The following NNMT variants were observed in gnomAD, a reference collection of about 807,000 sequenced individuals.
The protein encoded by NNMT is nicotinamide N-methyltransferase.
NNMT carries 10 observed loss-of-function variants against 11.7 expected under a neutral mutation model. The ratio of observed to expected loss-of-function variants is 0.85; its 90% CI spans 0.53 to 1.45. The LOEUF (loss-of-function observed/expected upper bound fraction) is 1.45. Among genes scored for constraint, NNMT ranks in the 40% most tolerant of loss-of-function variants. NNMT has a pLI of 0.00. For synonymous variants in NNMT, 143 were observed against 133.8 expected, an observed-to-expected ratio of 1.07 and a Z score of -0.48; for missense variants, 381 against 319.4, an observed-to-expected ratio of 1.19 and a Z score of -1.47.
rs932043660 is a variant in NNMT at position 114,312,317 on chromosome 11, C to G, written c.635C>G (p.Ser212Cys). Residue 212 changes from serine (S) to cysteine (C), a missense_variant, in exon 3 of 3, where the codon TCC becomes TGC. Coordinates refer to ENST00000299964, the MANE Select transcript of NNMT (RefSeq NM_006169.3). ...SYYMIGEQKF[S>C]SLPLGREAVE... ...TACATGATTGGTGAGCAGAAGTTCTCCAGCCTCCCCCTGGGCCGGGAGGCA... is the reference window on the plus strand; with the variant it reads ...TACATGATTGGTGAGCAGAAGTTCTGCAGCCTCCCCCTGGGCCGGGAGGCA... 1 of 1,614,100 alleles carries G rather than the reference C, an allele frequency of 6.2e-7. No homozygotes were observed. Among genetic ancestry groups the G allele is most frequent in the Non-Finnish European group, 8.5e-7 (1 of 1,180,036 alleles).
chr11:114,299,300 T>C (rs1021385133), intron 2 of NNMT, among the ~76,000 whole-genome samples: 4 of 152,260 alleles, frequency 2.6e-5, no homozygotes, highest in Non-Finnish European at 5.9e-5. Flanking sequence ...TCTGCATTCC[T>C]AGCTTTTTTG....
chr11:114,279,097 G>A (rs1175077111), intron 2 of NNMT, among the ~76,000 whole-genome samples: 2 of 152,160 alleles, frequency 1.3e-5, no homozygotes, highest in East Asian at 1.9e-4. Context: ...CACATTGGGA[G>A]ACTATTGGCT....
At chr11:114,299,482 TC>T (rs1945416682) in intron 2 of NNMT, among the ~76,000 whole-genome samples, 1 of 152,224 alleles carries the variant, frequency 6.6e-6, no homozygotes, top group Non-Finnish European at 1.5e-5. Flanking sequence ...ATAATTTTCT[TC>T]TAGTGTGCTT....
chr11:114,259,348 G>GC (rs371719367), intron 1 of NNMT, among the ~76,000 whole-genome samples: 10 of 88,410 alleles, frequency 1.1e-4, no homozygotes, highest in Non-Finnish European at 2.0e-4. Context: ...GAGGCCCAGT[G>GC]GGGGGGGGGG....
intron 2 of NNMT, among the ~76,000 whole-genome samples, chr11:114,282,474 A>G (rs771518085): frequency 1.3e-5 from 2 of 152,204 alleles, no homozygotes; most frequent in Non-Finnish European, 2.9e-5. Flanking sequence ...TGTATAGAAG[A>G]GGAAACTCCA....
intron 1 of NNMT, among the ~76,000 whole-genome samples, chr11:114,260,773 T>G (rs1945072920): frequency 6.6e-6 from 1 of 152,202 alleles, no homozygotes; most frequent in African/African-American, 2.4e-5. Context: ...TCTACTCTGA[T>G]GCCAAATAGC....
chr11:114,282,787 G>A (rs1234102247), intron 2 of NNMT, among the ~76,000 whole-genome samples: 1 of 152,180 alleles, frequency 6.6e-6, no homozygotes, highest in Admixed American at 6.5e-5. Context: ...AGTGCCGAAA[G>A]GACCACTGGG....
At chr11:114,276,827 G>A (rs775551762) in intron 2 of NNMT, among the ~76,000 whole-genome samples, 6 of 152,176 alleles carry the variant, frequency 3.9e-5, no homozygotes, top group African/African-American at 9.7e-5. Flanking sequence ...AGAGGTTTCC[G>A]CATCAGGAGA....
rs143534264 is a variant in NNMT at position 114,287,511 on chromosome 11, C to G, written c.-129-8917C>G. 2.5e-3 allele frequency among the ~76,000 whole-genome samples: 380 copies of G among 152,282 alleles called. 2 individuals are homozygous for G. Among genetic ancestry groups the G allele is most frequent in the African/African-American group, 8.7e-3 (361 of 41,572 alleles). ...ATTGAAAGGTCTATCTTTTTCCCCA[C>G]TGATCTAAGCTATCACCTCAATCAT... On this transcript the variant is annotated intron_variant, in intron 2 of 4. Coordinates refer to the NNMT transcript ENST00000535401.
intron 2 of NNMT, among the ~76,000 whole-genome samples, chr11:114,276,799 C>G (rs1945216662): frequency 1.3e-5 from 2 of 152,214 alleles, no homozygotes; most frequent in South Asian, 4.1e-4. Flanking sequence ...CAGCCCTACC[C>G]CATGAAATGA....
At chr11:114,310,255 T>G (rs1945537588) in intron 2 of NNMT, among the ~76,000 whole-genome samples, 1 of 152,228 alleles carries the variant, frequency 6.6e-6, no homozygotes, top group African/African-American at 2.4e-5. Context: ...TTTCTGCAAA[T>G]CCTTGCCAAC....
intron 1 of NNMT, among the ~76,000 whole-genome samples, chr11:114,261,276 A>C (rs1945078277): frequency 6.6e-6 from 1 of 152,198 alleles, no homozygotes; most frequent in Non-Finnish European, 1.5e-5. Context: ...CTGGGGTTGC[A>C]CATCCCCTTA....
intron 2 of NNMT, among the ~76,000 whole-genome samples, chr11:114,266,903 C>T (rs979388310): frequency 6.6e-6 from 1 of 152,224 alleles, no homozygotes; most frequent in Non-Finnish European, 1.5e-5. Flanking sequence ...GCTGAATAAA[C>T]TTTTATTCTT....
At chr11:114,260,891 A>G (rs1945074304) in intron 1 of NNMT, among the ~76,000 whole-genome samples, 1 of 152,220 alleles carries the variant, frequency 6.6e-6, no homozygotes, top group Non-Finnish European at 1.5e-5. Context: ...TCTGCTGTGC[A>G]CCGCGTGACC....
chr11:114,300,855 T>C (rs1591837413), intron 2 of NNMT, among the ~76,000 whole-genome samples: 1 of 152,314 alleles, frequency 6.6e-6, no homozygotes, highest in East Asian at 1.9e-4. Flanking sequence ...CTTCCTATGC[T>C]TGCTGTTTTG....
At chr11:114,304,389 G>A (rs1275967969) in intron 2 of NNMT, among the ~76,000 whole-genome samples, 2 of 152,148 alleles carry the variant, frequency 1.3e-5, no homozygotes, top group Admixed American at 6.5e-5. Context: ...GGAACAACTA[G>A]CTCTTGAGAC....
upstream of NNMT, among the ~76,000 whole-genome samples, chr11:114,292,983 G>A (rs977492151): frequency 7.9e-5 from 12 of 152,150 alleles, no homozygotes; most frequent in South Asian, 6.2e-4. Context: ...AGTAAAATAC[G>A]TACTGTTAAG....
At chr11:114,281,005 C>T (rs989757302) in intron 2 of NNMT, among the ~76,000 whole-genome samples, 2 of 152,198 alleles carry the variant, frequency 1.3e-5, no homozygotes, top group Non-Finnish European at 2.9e-5. Context: ...GCCTCACCTC[C>T]ACCACAGAAG....
chr11:114,280,601 G>T (rs1945252648), intron 2 of NNMT, among the ~76,000 whole-genome samples: 1 of 152,114 alleles, frequency 6.6e-6, no homozygotes, highest in Non-Finnish European at 1.5e-5. Flanking sequence ...TCAGGGGAAG[G>T]TACAGGCAGT....
Sources: allele counts gnomAD v4.1 joint callset (sites outside exome capture counted in the v4.1 genomes callset), GRCh38; gene constraint gnomAD v4.1.1; transcripts MANE v1.5; gene names NCBI Gene and HGNC (gene_info 2026-07-23, HGNC 2026-07-21).